NALCN: variants seen among roughly 807,000 people sequenced by gnomAD.
NALCN encodes sodium leak channel NALCN.
A neutral mutation model predicts 225.3 loss-of-function variants in NALCN; 111 were observed. The ratio of observed to expected loss-of-function variants is 0.49; its 90% CI spans 0.42 to 0.58. The LOEUF (loss-of-function observed/expected upper bound fraction) is 0.58. Among genes scored for constraint, NALCN ranks in the 20% least tolerant of loss-of-function variants. The pLI, the probability that NALCN is intolerant of heterozygous loss-of-function variation, is 0.00. For missense variants in NALCN, 1,378 were observed against 2,202.4 expected, an observed-to-expected ratio of 0.63 and a Z score of 7.49; for synonymous variants, 764 against 769.0, an observed-to-expected ratio of 0.99 and a Z score of 0.11.
chr13:101,081,892 T>A (rs1035825894), intron 33 of NALCN, among the ~76,000 whole-genome samples: 4 of 152,172 alleles, frequency 2.6e-5, no homozygotes, highest in Non-Finnish European at 5.9e-5. Context: ...TATTATTATT[T>A]TTTGAGACTG....
At chr13:101,261,564 A>C (rs977416379) in intron 10 of NALCN, among the ~76,000 whole-genome samples, 3 of 152,070 alleles carry the variant, frequency 2.0e-5, no homozygotes, top group Non-Finnish European at 2.9e-5. Flanking sequence ...GAGATCCTTC[A>C]ATTTTTTGGT....
At chr13:101,384,109 A>G (rs567326965) in intron 3 of NALCN, among the ~76,000 whole-genome samples, 101 of 152,302 alleles carry the variant, frequency 6.6e-4, no homozygotes, top group African/African-American at 2.4e-3. Context: ...AAGCATGGCC[A>G]GATCCTTTAA....
rs558337845 is a variant in NALCN, at chr13:101,205,776, A to G, written c.1627-13722T>C. On this transcript the variant is annotated intron_variant, in intron 13 of 43. Coordinates refer to ENST00000251127, the MANE Select transcript of NALCN (RefSeq NM_052867.4). ...TCATTGTCAATCAAATATGTGCTAT[A>G]AAATTGTACATGAAATTGATATTTT... Among the ~76,000 whole-genome samples the G allele has an allele frequency of 3.2e-3, 493 of 152,266 alleles. 2 individuals are homozygous for G. Among genetic ancestry groups the G allele is most frequent in the Non-Finnish European group, 5.6e-3 (380 of 67,972 alleles).
chr13:101,338,512 G>A (rs1011445842), intron 7 of NALCN, among the ~76,000 whole-genome samples: 2 of 152,190 alleles, frequency 1.3e-5, no homozygotes, highest in African/African-American at 4.8e-5. Context: ...ACTGTACAAT[G>A]AATGAAGGGT....
At chr13:101,065,369 G>T (rs778923520) in intron 40 of NALCN, 35 bp downstream of exon 40, 2 of 1,609,390 alleles carry the variant, frequency 1.2e-6, no homozygotes, top group African/African-American at 1.3e-5. Context: ...GTGGTTTCTG[G>T]CCCCCATTCA....
At chr13:101,371,741 T>C (rs1402972694) in intron 6 of NALCN, among the ~76,000 whole-genome samples, 1 of 152,178 alleles carries the variant, frequency 6.6e-6, no homozygotes, top group Non-Finnish European at 1.5e-5. Flanking sequence ...GACAGTGGAA[T>C]GAGAGTTGCT....
chr13:101,336,078 G>T (rs1193409434), intron 7 of NALCN, among the ~76,000 whole-genome samples: 1 of 152,018 alleles, frequency 6.6e-6, no homozygotes, highest in Non-Finnish European at 1.5e-5. Flanking sequence ...AATAGAAAAA[G>T]ATATAGAAAG....
intron 18 of NALCN, among the ~76,000 whole-genome samples, chr13:101,112,118 T>G (rs1225764035): frequency 6.6e-6 from 1 of 151,646 alleles, no homozygotes; most frequent in African/African-American, 2.4e-5. Context: ...AATGTAAACA[T>G]ACTTAACACG....
intron 15 of NALCN, among the ~76,000 whole-genome samples, chr13:101,165,413 A>C (rs2038390767): frequency 6.6e-6 from 1 of 152,208 alleles, no homozygotes; most frequent in African/African-American, 2.4e-5. Context: ...TTTTAAATAA[A>C]AGAAATTAAT....
intron 6 of NALCN, among the ~76,000 whole-genome samples, chr13:101,370,254 G>A (rs1020595440): frequency 2.6e-5 from 4 of 151,828 alleles, no homozygotes; most frequent in Non-Finnish European, 5.9e-5. Context: ...TGGCAAGATG[G>A]ACTACACCAA....
intron 13 of NALCN, among the ~76,000 whole-genome samples, chr13:101,205,209 C>G (rs372905473): frequency 2.0e-5 from 3 of 152,008 alleles, no homozygotes; most frequent in African/African-American, 7.2e-5. Flanking sequence ...CCTCTTTTTT[C>G]CAGCACACCT....
chr13:101,249,500 C>A (rs1228681357), intron 11 of NALCN, among the ~76,000 whole-genome samples: 1 of 152,074 alleles, frequency 6.6e-6, no homozygotes, highest in African/African-American at 2.4e-5. Context: ...AACTACTATC[C>A]TTATGATTGA....
At chr13:101,353,128 T>C (rs527316781) in intron 6 of NALCN, among the ~76,000 whole-genome samples, 13 of 152,134 alleles carry the variant, frequency 8.5e-5, no homozygotes, top group Non-Finnish European at 1.5e-4. Flanking sequence ...AATAAACCCA[T>C]GGAGAAAATT....
chr13:101,083,786 C>T lies in NALCN; in HGVS notation c.3508G>A (p.Val1170Ile), dbSNP rs368738186. 6.2e-7 allele frequency: 1 copy of T among 1,613,746 alleles called. No homozygotes were observed. Among genetic ancestry groups the T allele is most frequent in the Non-Finnish European group, 8.5e-7 (1 of 1,179,734 alleles). The change falls in exon 31 of 44, where the codon GTC (valine) becomes ATC (isoleucine). Residue 1170 changes from valine (V) to isoleucine (I), a missense_variant. Physicochemically the swap from Val to Ile is conservative, Grantham distance 29 (BLOSUM62 3). Around this residue, in one of 19 missense-constraint regions of NALCN, gnomAD observed 10 missense variants for 61.6 expected, o/e 0.16. Coordinates refer to ENST00000251127, the MANE Select transcript of NALCN (RefSeq NM_052867.4). Reference sequence around the variant, plus strand: ...AGGTCTTCCCATCTTCTCTGATCGACGGTCAGCAAAGCCGTCCCCTTAACA... The same window carrying T: ...AGGTCTTCCCATCTTCTCTGATCGATGGTCAGCAAAGCCGTCCCCTTAACA... ...NENKGTALLT[V>I]DQRRWEDLKS...
chr13:101,180,994 C>T (rs1178999729), intron 14 of NALCN: 2 of 454,078 alleles, frequency 4.4e-6, no homozygotes, highest in Non-Finnish European at 8.9e-6. Context: ...AATGAAGCCC[C>T]ATCATAAATT....
chr13:101,270,995 T>A (rs1227932008), intron 10 of NALCN, among the ~76,000 whole-genome samples: 4 of 152,224 alleles, frequency 2.6e-5, no homozygotes, highest in African/African-American at 9.6e-5. Flanking sequence ...ACATGTCTCC[T>A]AATTAATATA....
intron 6 of NALCN, among the ~76,000 whole-genome samples, chr13:101,372,890 G>T (rs1321844122): frequency 6.6e-6 from 1 of 151,944 alleles, no homozygotes; most frequent in Non-Finnish European, 1.5e-5. Flanking sequence ...ATAGGGCAAA[G>T]ATTCTTGTGT....
chr13:101,232,484 C>T (rs1460156092), intron 12 of NALCN, among the ~76,000 whole-genome samples: 10 of 146,710 alleles, frequency 6.8e-5, no homozygotes, highest in Admixed American at 4.1e-4. Flanking sequence ...CTCACTCTGT[C>T]GCCCAGGCTG....
At chr13:101,110,569 A>G in intron 20 of NALCN, 50 bp downstream of exon 20, 1 of 1,586,510 alleles carries the variant, frequency 6.3e-7, no homozygotes, top group Non-Finnish European at 8.7e-7. Flanking sequence ...TCATTTAAAT[A>G]CATTTTCATA....
Sources: gnomAD v4.1 joint callset for allele counts (sites outside exome capture counted in the v4.1 genomes callset) on GRCh38, gnomAD v4.1.1 for gene constraint, gnomAD v4.1.1 regional missense constraint, MANE v1.5 for transcripts, NCBI Gene and HGNC (gene_info 2026-07-23, HGNC 2026-07-21) for gene names.